HDAC9: variants seen among roughly 807,000 people sequenced by gnomAD.
HDAC9 encodes histone deacetylase 9.
A neutral mutation model predicts 139.4 loss-of-function variants in HDAC9; 41 were observed. The ratio of observed to expected loss-of-function variants is 0.29; its 90% CI spans 0.23 to 0.38. The LOEUF (loss-of-function observed/expected upper bound fraction) is 0.38, where lower values mean the gene tolerates loss of function less well. Among genes scored for constraint, HDAC9 ranks in the 10% least tolerant of loss-of-function variants. The pLI, the probability that HDAC9 is intolerant of heterozygous loss-of-function variation, is 1.00. For missense variants in HDAC9, 1,147 were observed against 1,297.0 expected (o/e 0.88, Z 1.78); for synonymous variants, 517 against 476.2 (o/e 1.09, Z -1.12).
intron 1 of HDAC9, among the ~76,000 whole-genome samples, chr7:18,450,563 A>G (rs1197393590): frequency 6.6e-6 from 1 of 152,172 alleles, no homozygotes; most frequent in Non-Finnish European, 1.5e-5. Flanking sequence ...AAATGATTCT[A>G]TCATTATTGA....
At position 18,974,685 on chromosome 7, in the gene HDAC9, C is replaced by A. The variant is rs1784447935; in HGVS notation, c.3023-1121C>A. Among the ~76,000 whole-genome samples, 3 of 152,248 alleles carry A rather than the reference C, an allele frequency of 2.0e-5. No homozygotes were observed. The South Asian group carries it at 6.2e-4, about 32-fold the overall frequency. On this transcript the variant is annotated intron_variant, in intron 24 of 25. Coordinates refer to ENST00000686413, the MANE Select transcript of HDAC9 (RefSeq NM_178425.4). ...CAGATGGGGAGACTTAGTATCCTCT[C>A]CTAATGTGACATCTGTTCCTCTATG... is the stretch of plus-strand genomic sequence containing the variant.
chr7:18,283,244 G>T (rs1408298176), intron 2 of HDAC9, among the ~76,000 whole-genome samples: 1 of 152,110 alleles, frequency 6.6e-6, no homozygotes, highest in Non-Finnish European at 1.5e-5. Flanking sequence ...TCACATGGTG[G>T]CAGGAGGGAG....
At chr7:18,103,819 T>G (rs923115134) in intron 1 of HDAC9, among the ~76,000 whole-genome samples, 1 of 147,572 alleles carries the variant, frequency 6.8e-6, no homozygotes, top group African/African-American at 2.5e-5. Flanking sequence ...ATTTCTAATA[T>G]AAAACATCGG....
chr7:18,820,354 A>G (rs1411111365), intron 17 of HDAC9, among the ~76,000 whole-genome samples: 1 of 152,198 alleles, frequency 6.6e-6, no homozygotes, highest in Non-Finnish European at 1.5e-5. Context: ...TGTCAGAAAA[A>G]TACTATACAA....
At chr7:18,901,209 T>TAC (rs1356648536) in intron 22 of HDAC9, among the ~76,000 whole-genome samples, 1 of 104,476 alleles carries the variant, frequency 9.6e-6, no homozygotes, top group African/African-American at 4.7e-5. Flanking sequence ...TATATATACA[T>TAC]ATATATATAT....
At chr7:18,711,932 CT>C (rs10713737) in intron 12 of HDAC9, among the ~76,000 whole-genome samples, 41,757 of 142,844 alleles carry the variant, frequency 0.29, 10,779 homozygotes, top group African/African-American at 0.71. Context: ...CACCATACTT[CT>C]TTTTTTTTTT....
In HDAC9 at chr7:18,383,520, G is replaced by T. The variant is rs183869263; in HGVS notation, c.-42+93005G>T. Among the ~76,000 whole-genome samples the T allele has an allele frequency of 9.9e-5, 15 of 151,910 alleles. No homozygotes were observed. The East Asian group carries it at 2.9e-3, about 29-fold the overall frequency. Reference sequence around the variant, plus strand: ...TGATTCTGGGAAAAACTGGCTCTTTGGAGAAAAAAATAGTCCTTTACTTCA... The same window carrying T: ...TGATTCTGGGAAAAACTGGCTCTTTTGAGAAAAAAATAGTCCTTTACTTCA... On this transcript the variant is annotated intron_variant, in intron 1 of 3. Transcript: ENST00000413509.
chr7:18,193,569 A>G (rs1399035014), intron 2 of HDAC9, among the ~76,000 whole-genome samples: 1 of 152,196 alleles, frequency 6.6e-6, no homozygotes, highest in Non-Finnish European at 1.5e-5. Context: ...GTTATGCCTT[A>G]TCTAGAAATG....
At chr7:18,392,290 GTCTCTCTC>G (rs370169850) in intron 1 of HDAC9, among the ~76,000 whole-genome samples, 62 of 99,704 alleles carry the variant, frequency 6.2e-4, no homozygotes, top group South Asian at 1.9e-3. Flanking sequence ...CTCTCTCTCT[GTCTCTCTC>G]TCTCTCTCTC....
intron 12 of HDAC9, among the ~76,000 whole-genome samples, chr7:18,704,665 C>T (rs1158647786): frequency 1.3e-5 from 2 of 152,178 alleles, no homozygotes; most frequent in African/African-American, 4.8e-5. Context: ...GAAGTTTAAA[C>T]ATACTGCTGA....
intron 2 of HDAC9, among the ~76,000 whole-genome samples, chr7:18,563,756 T>A (rs1198793694): frequency 6.6e-6 from 1 of 151,944 alleles, no homozygotes; most frequent in Non-Finnish European, 1.5e-5. Flanking sequence ...TATTTTTTTT[T>A]ATTATACTTT....
intron 21 of HDAC9, among the ~76,000 whole-genome samples, chr7:18,865,128 G>A (rs1798396350): frequency 6.6e-6 from 1 of 152,146 alleles, no homozygotes; most frequent in African/African-American, 2.4e-5. Context: ...ATGTTAAGCT[G>A]GCCGGCTGCC....
chr7:18,678,780 A>G (rs1418063758), intron 12 of HDAC9, among the ~76,000 whole-genome samples: 2 of 151,738 alleles, frequency 1.3e-5, no homozygotes, highest in Non-Finnish European at 1.5e-5. Flanking sequence ...TATGGTTCAT[A>G]TTTTCCTGTT....
chr7:18,270,254 C>T (rs1158914046), intron 2 of HDAC9, among the ~76,000 whole-genome samples: 1 of 150,916 alleles, frequency 6.6e-6, no homozygotes, highest in Non-Finnish European at 1.5e-5. Flanking sequence ...CTTGAAAGGG[C>T]CTGGCATGGA....
At chr7:18,639,361 C>T (rs1784852830) in intron 8 of HDAC9, among the ~76,000 whole-genome samples, 1 of 152,008 alleles carries the variant, frequency 6.6e-6, no homozygotes, top group Admixed American at 6.6e-5. Flanking sequence ...TAATCATTTA[C>T]TAGGAATAAC....
At chr7:18,748,176 G>T (rs1788144168) in intron 13 of HDAC9, among the ~76,000 whole-genome samples, 1 of 152,066 alleles carries the variant, frequency 6.6e-6, no homozygotes, top group Non-Finnish European at 1.5e-5. Flanking sequence ...CATCTAACTT[G>T]TTGCTTTAAA....
chr7:18,898,384 A>AT (rs936033523), intron 22 of HDAC9, among the ~76,000 whole-genome samples: 2 of 151,934 alleles, frequency 1.3e-5, no homozygotes, highest in Admixed American at 1.3e-4. Flanking sequence ...ATAGCTAAAA[A>AT]TTTTTTACAT....
At chr7:18,701,416 CA>C (rs546101451) in intron 12 of HDAC9, among the ~76,000 whole-genome samples, 177 of 64,790 alleles carry the variant, frequency 2.7e-3, no homozygotes, top group Middle Eastern at 9.3e-3. Flanking sequence ...ACAAAACAAA[CA>C]AAAAAAAAAA....
intron 1 of HDAC9, among the ~76,000 whole-genome samples, chr7:18,441,709 C>T: frequency 6.6e-6 from 1 of 152,172 alleles, no homozygotes; most frequent in East Asian, 1.9e-4. Context: ...TCTCTTCTTC[C>T]ACCTATCTTC....
Sources: gnomAD v4.1 joint callset for allele counts (sites outside exome capture counted in the v4.1 genomes callset) on GRCh38, gnomAD v4.1.1 for gene constraint, MANE v1.5 for transcripts, NCBI Gene and HGNC (gene_info 2026-07-23, HGNC 2026-07-21) for gene names.